NCEH1: variants seen among roughly 807,000 people sequenced by gnomAD.
NCEH1 encodes the protein 2-acetyl MAGE hydrolase.
In NCEH1, 9 loss-of-function variants were observed where a neutral mutation model predicts 25.4. The ratio of observed to expected loss-of-function variants is 0.35; its 90% CI spans 0.21 to 0.62. The LOEUF is 0.62. Ranked by LOEUF, NCEH1 falls within the 20% of genes least tolerant of loss-of-function variation. NCEH1 has a pLI of 0.72. For missense variants in NCEH1, 412 were observed against 501.1 expected, an observed-to-expected ratio of 0.82 and a Z score of 1.70; for synonymous variants, 200 against 199.8, an observed-to-expected ratio of 1.00 and a Z score of -0.01.
intron 1 of NCEH1, among the ~76,000 whole-genome samples, chr3:172,706,644 G>A (rs947337212): frequency 3.3e-5 from 5 of 151,608 alleles, no homozygotes; most frequent in African/African-American, 1.2e-4. Context: ...AATTACAGGC[G>A]CGCACCACTG....
chr3:172,679,287 A>G (rs1484286596), intron 1 of NCEH1, among the ~76,000 whole-genome samples: 1 of 152,226 alleles, frequency 6.6e-6, no homozygotes, highest in Non-Finnish European at 1.5e-5. Flanking sequence ...TAAGAACATG[A>G]AGTGTATTGA....
chr3:172,667,901 T>C (rs1718299615), intron 1 of NCEH1, among the ~76,000 whole-genome samples: 1 of 152,142 alleles, frequency 6.6e-6, no homozygotes, highest in African/African-American at 2.4e-5. Context: ...TATTGGGCAG[T>C]CCCAGGGAAA....
chr3:172,630,841 ACCAAGATAATTATATAATAGTCT>A lies in NCEH1; in HGVS notation c.*2611_*2633del, dbSNP rs1716311470. ...AAAAGGTCATGCATAAAATAGATCCACCAAGATAATTATATAATAGTCTTAAATTCTTCACAAATCAATAAAAC... is the reference window on the plus strand; with the variant it reads ...AAAAGGTCATGCATAAAATAGATCCATAAATTCTTCACAAATCAATAAAAC... On this transcript the variant is annotated 3_prime_UTR_variant, in exon 5 of 5. Coordinates refer to ENST00000475381, the MANE Select transcript of NCEH1 (RefSeq NM_020792.6). 1 of 152,234 alleles carries A rather than the reference ACCAAGATAATTATATAATAGTCT, an allele frequency of 6.6e-6. No homozygotes were observed. Among genetic ancestry groups the A allele is most frequent in the Admixed American group, 6.5e-5 (1 of 15,268 alleles). The allele number at this position is 152,234 out of a possible 1,614,324, so 9.4% of individuals were successfully genotyped here.
intron 1 of NCEH1, among the ~76,000 whole-genome samples, chr3:172,678,098 T>TA (rs1405647901): frequency 6.6e-6 from 1 of 152,160 alleles, no homozygotes; most frequent in Non-Finnish European, 1.5e-5. Context: ...TGAAAAGGTT[T>TA]AAAAATCAGG....
intron 1 of NCEH1, among the ~76,000 whole-genome samples, chr3:172,653,765 T>TTG (rs55986552): frequency 0.46 from 61,638 of 133,908 alleles, 15,062 homozygotes; most frequent in East Asian, 0.75. Context: ...TTTTTGTTTT[T>TTG]TTTTTTTTTT....
chr3:172,684,960 A>C, intron 1 of NCEH1, among the ~76,000 whole-genome samples: 2 of 148,886 alleles, frequency 1.3e-5, no homozygotes, highest in African/African-American at 2.6e-5. Flanking sequence ...AGCCTGGGCG[A>C]CTCAGCAAGA....
intron 4 of NCEH1, among the ~76,000 whole-genome samples, chr3:172,634,463 G>GA (rs1445843207): frequency 6.6e-6 from 1 of 152,016 alleles, no homozygotes; most frequent in East Asian, 1.9e-4. Context: ...TTCCTAGGGG[G>GA]AAAAAAATTA....
intron 1 of NCEH1, among the ~76,000 whole-genome samples, chr3:172,688,762 A>G (rs933335409): frequency 6.6e-5 from 10 of 152,182 alleles, no homozygotes; most frequent in African/African-American, 2.4e-4. Flanking sequence ...GGTGTCCAGT[A>G]CTGTGCTAAG....
chr3:172,644,145 A>G (rs4989328), intron 3 of NCEH1, among the ~76,000 whole-genome samples: 13,188 of 83,600 alleles, frequency 0.16, 846 homozygotes, highest in Middle Eastern at 0.23. Flanking sequence ...AGGGCTTTTG[A>G]GTGACTCTAG....
At chr3:172,644,743 A>T (rs1030183364) in intron 3 of NCEH1, among the ~76,000 whole-genome samples, 1 of 152,228 alleles carries the variant, frequency 6.6e-6, no homozygotes, top group Non-Finnish European at 1.5e-5. Flanking sequence ...TATGCCAGGG[A>T]TGTTTCCAGG....
chr3:172,640,081 G>T (rs1276852498), intron 3 of NCEH1, among the ~76,000 whole-genome samples: 1 of 152,150 alleles, frequency 6.6e-6, no homozygotes, highest in East Asian at 1.9e-4. Context: ...ACCTAACCTG[G>T]AAGCCATATG....
intron 1 of NCEH1, among the ~76,000 whole-genome samples, chr3:172,649,856 C>T (rs550668114): frequency 1.3e-5 from 2 of 152,340 alleles, no homozygotes; most frequent in African/African-American, 4.8e-5. Context: ...GCAGACCTGG[C>T]TCTGTTATAT....
At chr3:172,637,812 C>T (rs1716661303) in intron 3 of NCEH1, among the ~76,000 whole-genome samples, 1 of 152,100 alleles carries the variant, frequency 6.6e-6, no homozygotes, top group African/African-American at 2.4e-5. Flanking sequence ...TCACTTGAAC[C>T]CAGGAGGCGG....
At chr3:172,663,546 A>T (rs915754054) in intron 1 of NCEH1, among the ~76,000 whole-genome samples, 1 of 152,166 alleles carries the variant, frequency 6.6e-6, no homozygotes, top group African/African-American at 2.4e-5. Flanking sequence ...GATCTGTCTA[A>T]TGTTGACAGT....
At chr3:172,657,173 G>A (rs1717735349) in intron 1 of NCEH1, among the ~76,000 whole-genome samples, 1 of 152,038 alleles carries the variant, frequency 6.6e-6, no homozygotes, top group African/African-American at 2.4e-5. Context: ...GTACTATCAT[G>A]GCAAATAGGA....
chr3:172,701,158 T>C (rs998063043), intron 1 of NCEH1, among the ~76,000 whole-genome samples: 5 of 152,196 alleles, frequency 3.3e-5, no homozygotes, highest in Non-Finnish European at 7.3e-5. Flanking sequence ...GATCTGTATA[T>C]GCAGCTGTTT....
At chr3:172,674,314 C>T (rs979431881) in intron 1 of NCEH1, among the ~76,000 whole-genome samples, 2 of 151,888 alleles carry the variant, frequency 1.3e-5, no homozygotes, top group Admixed American at 6.6e-5. Flanking sequence ...TGTGGTGGCA[C>T]GTGCCGTAAT....
rs1379411083 is a variant in NCEH1 at position 172,632,570 on chromosome 3, TTC to T, written c.*903_*904del. ...ATTTTGAACTAATATTAAATGTATT[TTC>T]TTTTTTGACTATGCCAAGTATATTC... is the stretch of plus-strand genomic sequence containing the variant. On this transcript the variant is annotated 3_prime_UTR_variant, in exon 5 of 5. Coordinates refer to ENST00000475381, the MANE Select transcript of NCEH1 (RefSeq NM_020792.6). 1 of 152,492 alleles carries T rather than the reference TTC, an allele frequency of 6.6e-6. No individual in the cohort carries two copies. The highest frequency in any genetic ancestry group is 1.5e-5 in the Non-Finnish European group (1 of 68,042). The allele number at this position is 152,492 out of a possible 1,614,324, so 9.4% of individuals were successfully genotyped here. A position where few individuals can be genotyped will look rare whatever the true frequency, so the allele number is the denominator to read the frequency against.
intron 1 of NCEH1, among the ~76,000 whole-genome samples, chr3:172,675,480 A>G (rs1465908208): frequency 2.0e-5 from 3 of 152,062 alleles, no homozygotes; most frequent in Non-Finnish European, 4.4e-5. Context: ...AATACTTGTC[A>G]TAAAAGGAAA....
Sources: allele counts gnomAD v4.1 joint callset (sites outside exome capture counted in the v4.1 genomes callset), GRCh38; gene constraint gnomAD v4.1.1; transcripts MANE v1.5; gene names NCBI Gene and HGNC (gene_info 2026-07-23, HGNC 2026-07-21).